The following PIGO variants were observed in gnomAD, a reference collection of about 807,000 sequenced individuals.
PIGO encodes phosphatidylinositol glycan anchor biosynthesis class O.
A neutral mutation model predicts 86.9 loss-of-function variants in PIGO; 66 were observed. The observed-to-expected ratio is 0.76, with a 90% confidence interval of 0.62 to 0.93. PIGO has a LOEUF of 0.93. Among genes scored for constraint, PIGO ranks in the 40% least tolerant of loss-of-function variants. The pLI is 0.00. For synonymous variants in PIGO, 570 were observed against 556.4 expected (o/e 1.02, Z -0.34); for missense variants, 1,202 against 1,359.1 (o/e 0.88, Z 1.82).
At chr9:35,094,432 T>C (rs1251077917) in intron 2 of PIGO, 73 bp from the exon 3 acceptor site, 1 of 1,530,896 alleles carries the variant, frequency 6.5e-7, no homozygotes, top group Non-Finnish European at 8.8e-7. Context: ...AAAGAGGCCC[T>C]TTAAAGACCC....
chr9:35,095,242 C>A lies in PIGO; in HGVS notation c.324G>T (p.Gln108His), dbSNP rs773937388. The A allele has an allele frequency of 3.1e-6, 5 of 1,614,152 alleles. No individual in the cohort carries two copies. Among genetic ancestry groups the A allele is most frequent in the Admixed American group, 3.3e-5 (2 of 60,028 alleles). ...LPFLGKLSSLQRILEIQPHHA... is the reference protein window; with the variant it reads ...LPFLGKLSSLHRILEIQPHHA... Reference sequence around the variant, plus strand: ...GGTGGGGCTGAATCTCCAGGATCCTCTGCAAGGAGCTTAGTTTGCCCAGGA... The same window carrying A: ...GGTGGGGCTGAATCTCCAGGATCCTATGCAAGGAGCTTAGTTTGCCCAGGA... Residue 108 changes from glutamine (Q) to histidine (H), a missense_variant, in exon 2 of 11, where the codon CAG (glutamine) becomes CAT (histidine). Coordinates refer to ENST00000378617, the MANE Select transcript of PIGO (RefSeq NM_032634.4).
chr9:35,090,193 T>A lies in PIGO; in HGVS notation c.2942A>T (p.Asp981Val), dbSNP rs1249019258. ...KRQQPPGNEA[D>V]ARVRPEEEEE... ...TTCCTCCTCGGGTCTGACTCTGGCA[T>A]CAGCTTCATTCCCTGGGGGCTGCTG... is the stretch of plus-strand genomic sequence containing the variant. Residue 981 changes from aspartate to valine, a missense_variant, in exon 9 of 11, where the codon GAT becomes GTT. Physicochemically the swap from Asp to Val is radical, Grantham distance 152. Transcript: ENST00000378617. 6.2e-7 allele frequency: 1 copy of A among 1,614,206 alleles called. No individual in the cohort carries two copies. The highest frequency in any genetic ancestry group is 1.3e-5 in the African/African-American group (1 of 75,044).
Position 35,095,371 on chromosome 9 carries a change from G to A in PIGO, c.195C>T (p.Ser65=), listed in dbSNP as rs947218302. Residue 65 remains serine, a synonymous_variant, in exon 2 of 11, where the codon TCC becomes TCT. Transcript: ENST00000378617. Reference sequence around the variant, plus strand: ...GCACCAACACAACCCGCGAAAATCGGGAAGCCATCCAGCAGGCCCCAGGTT... The same window carrying A: ...GCACCAACACAACCCGCGAAAATCGAGAAGCCATCCAGCAGGCCCCAGGTT... ...QGKPGACWMA[S]RFSRVVLVLI... 6.2e-7 allele frequency: 1 copy of A among 1,614,150 alleles called. No homozygotes were observed. The highest frequency in any genetic ancestry group is 8.5e-7 in the Non-Finnish European group (1 of 1,180,022).
chr9:35,092,198 A>G lies in PIGO; in HGVS notation c.1689T>C (p.Asp563=). The change falls in exon 7 of 11, where the codon GAT becomes GAC. Residue 563 remains aspartate (D), a synonymous_variant. Transcript: ENST00000378617. ...LLFRLAVFFS[D]SFVVAEARAT... is the part of the protein sequence containing the mutation. ...CCCTGGCCTCAGCTACAACAAAACTATCAGAGAAGAACACAGCCAAGCGAA... is the reference window on the plus strand; with the variant it reads ...CCCTGGCCTCAGCTACAACAAAACTGTCAGAGAAGAACACAGCCAAGCGAA... 1 of 1,614,246 alleles carries G rather than the reference A, an allele frequency of 6.2e-7. No individual in the cohort carries two copies. Among genetic ancestry groups the G allele is most frequent in the Non-Finnish European group, 8.5e-7 (1 of 1,180,046 alleles).
intron 7 of PIGO, chr9:35,090,950 C>T: frequency 1.8e-6 from 1 of 566,902 alleles, no homozygotes; most frequent in Non-Finnish European, 3.1e-6. Context: ...TTTACTACTT[C>T]CATCACTGGA....
Position 35,091,805 on chromosome 9 carries a change from G to T in PIGO, c.2082C>A (p.Leu694=). The change falls in exon 7 of 11, where the codon CTC becomes CTA. Residue 694 remains leucine, a synonymous_variant. Transcript: ENST00000378617. The part of the protein sequence containing the change: ...VRLWLRRYGN[L]KSPEPPMLFV... ...AGAGCATGGGTGGCTCGGGGCTCTT[G>T]AGATTACCATAGCGGCGAAGCCACA... The T allele has an allele frequency of 1.2e-6, 2 of 1,613,448 alleles. No individual in the cohort carries two copies. The highest frequency in any genetic ancestry group is 1.7e-6 in the Non-Finnish European group (2 of 1,180,022).
At position 35,090,642 on chromosome 9, in the gene PIGO, G is replaced by C; in HGVS notation, c.2678C>G (p.Ser893Trp). 6.2e-7 allele frequency: 1 copy of C among 1,614,142 alleles called. No homozygotes were observed. Among genetic ancestry groups the C allele is most frequent in the Admixed American group, 1.7e-5 (1 of 60,020 alleles). ...CTGTGTGGCCATGAGGGCCCAAGCC[G>C]AGACTGCCTGCCATGGCACAGTAAA... ...GPFTVPWQAV[S>W]AWALMATQTF... The change falls in exon 8 of 11, where the codon TCG becomes TGG. Residue 893 changes from serine to tryptophan, a missense_variant. Ser to Trp is a radical substitution (Grantham distance 177). Transcript: ENST00000378617.
At position 35,092,300 on chromosome 9, in the gene PIGO, G is replaced by A. The variant is rs765083306; in HGVS notation, c.1587C>T (p.Ala529=). ...GCCTCTTGGACCCCCAGCCAGCCCA[G>A]GCTTTCCACAGAAAAGGGAGGAATG... ...VSSFLPFLWK[A]WAGWGSKRPL... Residue 529 remains alanine, a synonymous_variant, in exon 7 of 11, where the codon GCC becomes GCT. Coordinates refer to ENST00000378617, the MANE Select transcript of PIGO (RefSeq NM_032634.4). 6.2e-7 allele frequency: 1 copy of A among 1,614,208 alleles called. No homozygotes were observed. The highest frequency in any genetic ancestry group is 8.5e-7 in the Non-Finnish European group (1 of 1,180,022).
Position 35,091,770 on chromosome 9 carries a change from C to T in PIGO, c.2117G>A (p.Trp706Ter). The stretch of plus-strand genomic sequence containing the variant: ...ACCCAATGCCATTAGGGGCAGTCCC[C>T]AGCGCACAAAGAGCATGGGTGGCTC... The part of the protein sequence containing the change: ...SPEPPMLFVR[W>*]GLPLMALGTA... The change falls in exon 7 of 11, where the codon TGG (tryptophan) becomes TAG (stop). Residue 706 changes from tryptophan to a stop codon, truncating the protein, a stop_gained. Coordinates refer to ENST00000378617, the MANE Select transcript of PIGO (RefSeq NM_032634.4). LOFTEE classifies it high-confidence loss of function. 1 of 1,612,334 alleles carries T rather than the reference C, an allele frequency of 6.2e-7. No individual in the cohort carries two copies.
At position 35,090,184 on chromosome 9, in the gene PIGO, A is replaced by C. The variant is rs1829350002; in HGVS notation, c.2951T>G (p.Val984Gly). The change falls in exon 9 of 11, where the codon GTC (valine) becomes GGC (glycine). Residue 984 changes from valine to glycine, a missense_variant. Physicochemically the swap from Val to Gly is moderately radical, Grantham distance 109. Transcript: ENST00000378617. Reference sequence around the variant, plus strand: ...TGGCTCCTCTTCCTCCTCGGGTCTGACTCTGGCATCAGCTTCATTCCCTGG... The same window carrying C: ...TGGCTCCTCTTCCTCCTCGGGTCTGCCTCTGGCATCAGCTTCATTCCCTGG... ...QPPGNEADARVRPEEEEEPLM... is the reference protein window; with the variant it reads ...QPPGNEADARGRPEEEEEPLM... 1.2e-6 allele frequency: 2 copies of C among 1,613,956 alleles called. No individual in the cohort carries two copies. Among genetic ancestry groups the C allele is most frequent in the South Asian group, 1.1e-5 (1 of 91,082 alleles).
chr9:35,091,479 T>G lies in PIGO; in HGVS notation c.2408A>C (p.His803Pro). The G allele has an allele frequency of 6.2e-7, 1 of 1,614,108 alleles. No individual in the cohort carries two copies. Among genetic ancestry groups the G allele is most frequent in the Admixed American group, 1.7e-5 (1 of 60,004 alleles). The change falls in exon 7 of 11, where the codon CAC (histidine) becomes CCC (proline). Residue 803 changes from histidine to proline, a missense_variant. Physicochemically the swap from His to Pro is moderately conservative, Grantham distance 77. Coordinates refer to ENST00000378617, the MANE Select transcript of PIGO (RefSeq NM_032634.4). ...LDYVVPQIYR[H>P]MQEEFRGRLE... The stretch of plus-strand genomic sequence containing the variant: ...CCGGCCCCGGAACTCCTCCTGCATG[T>G]GTCGGTAGATTTGAGGGACCACATA...
Position 35,089,454 on chromosome 9 carries a change from G to C in PIGO, c.3070-4C>G. On this transcript the variant is annotated splice_region_variant and splice_polypyrimidine_tract_variant and intron_variant, in intron 9 of 10. Coordinates refer to ENST00000378617, the MANE Select transcript of PIGO (RefSeq NM_032634.4). ...CTGCCAAGGCACAGGCCAGAATCTA[G>C]AGGAGGAGAGGAGGGGCCACGTTAC... 6.2e-7 allele frequency: 1 copy of C among 1,614,186 alleles called. No homozygotes were observed. The highest frequency in any genetic ancestry group is 8.5e-7 in the Non-Finnish European group (1 of 1,180,032).
At chr9:35,089,500 C>A in intron 9 of PIGO, 50 bp from the exon 10 acceptor site, 1 of 1,612,406 alleles carries the variant, frequency 6.2e-7, no homozygotes. Context: ...GAGGAGGAAG[C>A]GGAGCAAAAG....
intron 7 of PIGO, 104 bp downstream of exon 7, chr9:35,091,136 C>T: frequency 7.6e-7 from 1 of 1,319,486 alleles, no homozygotes; most frequent in African/African-American, 1.5e-5. Flanking sequence ...GCATGGGACC[C>T]TCTGTCAAGC....
chr9:35,089,646 A>G, intron 9 of PIGO, 196 bp from the exon 10 acceptor site: 2 of 1,439,386 alleles, frequency 1.4e-6, no homozygotes, highest in Non-Finnish European at 1.8e-6. Context: ...TCACTATGTG[A>G]CTTTGGGCAA....
chr9:35,089,292 TTGGCCATCCTGGA>T, intron 10 of PIGO, 71 bp from the exon 11 acceptor site: 1 of 1,613,386 alleles, frequency 6.2e-7, no homozygotes, highest in Non-Finnish European at 8.5e-7. Context: ...AGGCAAAACC[TTGGCCATCCTGGA>T]TGTTTAGGAT....
rs749049535 is a variant in PIGO, at chr9:35,090,688, T to C, written c.2648-16A>G. 8.7e-6 allele frequency: 14 copies of C among 1,612,124 alleles called. No homozygotes were observed. The highest frequency in any genetic ancestry group is 2.2e-5 in the East Asian group (1 of 44,874). Reference sequence around the variant, plus strand: ...GTAAAAGGACCTGGAAGAAAAGATATGCCACGTTACAGTCACTTCTTATTC... The same window carrying C: ...GTAAAAGGACCTGGAAGAAAAGATACGCCACGTTACAGTCACTTCTTATTC... On this transcript the variant is annotated splice_polypyrimidine_tract_variant and intron_variant, in intron 7 of 10. Transcript: ENST00000378617.
rs1404216766 is a variant in PIGO at position 35,092,269 on chromosome 9, C to G, written c.1618G>C (p.Ala540Pro). 3.1e-6 allele frequency: 5 copies of G among 1,614,068 alleles called. No individual in the cohort carries two copies. The highest frequency in any genetic ancestry group is 4.2e-6 in the Non-Finnish European group (5 of 1,180,030). Residue 540 changes from alanine to proline, a missense_variant, in exon 7 of 11, where the codon GCA (alanine) becomes CCA (proline). Ala to Pro is a conservative substitution (Grantham distance 27, BLOSUM62 -1). Coordinates refer to ENST00000378617, the MANE Select transcript of PIGO (RefSeq NM_032634.4). ...GGCCCAGGGATGGGAAACAGGGTTG[C>G]CAGGGGCCTCTTGGACCCCCAGCCA... ...WAGWGSKRPL[A>P]TLFPIPGPVL...
At chr9:35,091,108 C>A (rs895153563) in intron 7 of PIGO, 132 bp downstream of exon 7, 1 of 1,031,670 alleles carries the variant, frequency 9.7e-7, no homozygotes. Flanking sequence ...ACCAAGAAGA[C>A]CTTCCTAGTT....
Sources: gnomAD v4.1 joint callset for allele counts on GRCh38, gnomAD v4.1.1 for gene constraint, MANE v1.5 for transcripts, NCBI Gene and HGNC (gene_info 2026-07-23, HGNC 2026-07-21) for gene names.